The following UBR3 variants were observed in gnomAD, a reference collection of about 807,000 sequenced individuals.
UBR3 encodes the protein E3 ubiquitin-protein ligase UBR3.
Under a neutral mutation model 243.2 loss-of-function variants are expected in UBR3, and 85 were observed. That is an observed-to-expected ratio of 0.35 (90% confidence interval 0.29 to 0.42). UBR3 has a LOEUF of 0.42. Among genes scored for constraint, UBR3 ranks in the 10% least tolerant of loss-of-function variants. The pLI, the probability that UBR3 is intolerant of heterozygous loss-of-function variation, is 1.00. For synonymous variants in UBR3, 748 were observed against 799.8 expected (o/e 0.94, Z 1.09); for missense variants, 1,686 against 2,300.8 (o/e 0.73, Z 5.47).
At position 169,911,202 on chromosome 2, in the gene UBR3, AG is replaced by A. The variant is rs200131235; in HGVS notation, c.1780-2856del. Among the ~76,000 whole-genome samples the A allele has an allele frequency of 4.0e-3, 616 of 152,274 alleles. 5 individuals carry two copies. Among genetic ancestry groups the A allele is most frequent in the African/African-American group, 0.014 (576 of 41,580 alleles). On this transcript the variant is annotated intron_variant, in intron 10 of 38. Transcript: ENST00000272793. ...ACTAATGACATGAAGATTGGATAAGAGGATGACATGTTTCTAGAATTTTACT... is the reference window on the plus strand; with the variant it reads ...ACTAATGACATGAAGATTGGATAAGAGATGACATGTTTCTAGAATTTTACT...
At chr2:170,039,259 C>T (rs902628065) in intron 31 of UBR3, among the ~76,000 whole-genome samples, 3 of 152,052 alleles carry the variant, frequency 2.0e-5, no homozygotes, top group African/African-American at 7.2e-5. Context: ...TATCTAAAGT[C>T]AAGTCAAGGG....
chr2:169,948,001 G>T (rs947190216), intron 22 of UBR3: 34 of 931,886 alleles, frequency 3.6e-5, no homozygotes, highest in Non-Finnish European at 4.2e-5. Flanking sequence ...GGGAAAAACC[G>T]CTTTGAAGTA....
At chr2:169,921,945 C>G (rs1194693277) in intron 11 of UBR3, among the ~76,000 whole-genome samples, 2 of 151,802 alleles carry the variant, frequency 1.3e-5, no homozygotes, top group African/African-American at 2.4e-5. Flanking sequence ...GAGCTGAGAT[C>G]GCGCCACCGT....
At chr2:169,882,774 C>A (rs1315285969) in intron 5 of UBR3, among the ~76,000 whole-genome samples, 1 of 151,142 alleles carries the variant, frequency 6.6e-6, no homozygotes, top group Non-Finnish European at 1.5e-5. Context: ...TCATGTGATA[C>A]AACAAAAACG....
intron 1 of UBR3, among the ~76,000 whole-genome samples, chr2:169,845,268 G>A (rs1307611890): frequency 6.6e-6 from 1 of 151,538 alleles, no homozygotes; most frequent in Non-Finnish European, 1.5e-5. Flanking sequence ...ATAAAAACTA[G>A]AAAAATTAGC....
At chr2:169,991,320 G>A (rs1003580281) in intron 25 of UBR3, among the ~76,000 whole-genome samples, 1 of 152,096 alleles carries the variant, frequency 6.6e-6, no homozygotes, top group Non-Finnish European at 1.5e-5. Flanking sequence ...GAGCAACACT[G>A]TAAAACAACC....
intron 33 of UBR3, among the ~76,000 whole-genome samples, chr2:170,058,465 CT>C (rs1281618525): frequency 4.6e-5 from 7 of 150,628 alleles, no homozygotes; most frequent in African/African-American, 1.7e-4. Flanking sequence ...TTTCTTTTTT[CT>C]TTTTCTTTTT....
At chr2:169,871,249 G>C (rs2083427532) in intron 1 of UBR3, among the ~76,000 whole-genome samples, 1 of 151,748 alleles carries the variant, frequency 6.6e-6, no homozygotes. Flanking sequence ...GCCAAGAGTT[G>C]TACATCAGCC....
At chr2:169,978,705 C>A (rs1168043321) in intron 24 of UBR3, among the ~76,000 whole-genome samples, 1 of 151,998 alleles carries the variant, frequency 6.6e-6, no homozygotes, top group Non-Finnish European at 1.5e-5. Flanking sequence ...ATACAGATGT[C>A]ATTTGGGCCC....
rs1491293579 is a variant in UBR3, at chr2:169,852,883, A to AAAAAAAAAAAAAAAAAAAAAAC, written c.546-19353_546-19352insAAAAAAAAAAAAAAAAAAAAAC. On this transcript the variant is annotated intron_variant, in intron 1 of 38. Coordinates refer to ENST00000272793, the MANE Select transcript of UBR3 (RefSeq NM_172070.4). ...AAAAAAAAAAAAAAAAAAAAACAAA[A>AAAAAAAAAAAAAAAAAAAAAAC]CCAAACAAATTGAGTCCTTTAAGAG... Among the ~76,000 whole-genome samples the AAAAAAAAAAAAAAAAAAAAAAC allele has an allele frequency of 3.3e-5, 2 of 59,732 alleles. 1 individual carries two copies. The allele number at this position is 59,732 out of a possible 152,430, so 39.2% of individuals were successfully genotyped here.
chr2:170,002,353 A>G (rs2089743064), intron 27 of UBR3, among the ~76,000 whole-genome samples: 1 of 152,186 alleles, frequency 6.6e-6, no homozygotes, highest in South Asian at 2.1e-4. Flanking sequence ...AATACTGCCT[A>G]TTAATTCATT....
rs572906596 is a variant in UBR3, at chr2:169,828,191, G to A, written c.545+139G>A. On this transcript the variant is annotated intron_variant, in intron 1 of 38. Transcript: ENST00000272793. ...AGGGTGCAGCCACAGGGGGATGGAG[G>A]TGACTGAGCTGTCAGCGGTGGAAAG... 1.8e-4 allele frequency: 203 copies of A among 1,120,796 alleles called. No individual in the cohort carries two copies. In the African/African-American group the frequency reaches 2.7e-3, roughly 15 times the overall value. The allele number at this position is 1,120,796 out of a possible 1,614,324, so 69.4% of individuals were successfully genotyped here.
intron 31 of UBR3, among the ~76,000 whole-genome samples, chr2:170,032,067 G>C (rs1401967269): frequency 6.6e-6 from 1 of 152,030 alleles, no homozygotes; most frequent in Admixed American, 6.6e-5. Context: ...TCATAGGATA[G>C]TTCTGTTTTA....
chr2:170,005,945 C>T (rs2089898012), intron 27 of UBR3, among the ~76,000 whole-genome samples: 1 of 151,970 alleles, frequency 6.6e-6, no homozygotes, highest in African/African-American at 2.4e-5. Context: ...TGATCTGGGG[C>T]CAGCACCAGA....
chr2:169,854,534 T>C (rs2082769568), intron 1 of UBR3, among the ~76,000 whole-genome samples: 1 of 152,148 alleles, frequency 6.6e-6, no homozygotes, highest in Admixed American at 6.6e-5. Flanking sequence ...TGAGTAGGAA[T>C]TTTAACTTAG....
chr2:170,055,936 C>T (rs1319566294), intron 33 of UBR3, among the ~76,000 whole-genome samples: 1 of 151,910 alleles, frequency 6.6e-6, no homozygotes, highest in Non-Finnish European at 1.5e-5. Flanking sequence ...TGTCCCTATC[C>T]CCAATCACAA....
At chr2:169,984,441 A>G (rs1211451865) in intron 24 of UBR3, among the ~76,000 whole-genome samples, 1 of 152,158 alleles carries the variant, frequency 6.6e-6, no homozygotes, top group Non-Finnish European at 1.5e-5. Flanking sequence ...AAGAGTAACC[A>G]GTATCATTAC....
At chr2:169,847,754 TCCATCAGTTTGGCTGATGGGAA>T (rs1373481709) in intron 1 of UBR3, among the ~76,000 whole-genome samples, 1 of 152,230 alleles carries the variant, frequency 6.6e-6, no homozygotes, top group East Asian at 1.9e-4. Flanking sequence ...TTACAAGTTT[TCCATCAGTTTGGCTGATGGGAA>T]CAGACACCAT....
intron 1 of UBR3, among the ~76,000 whole-genome samples, chr2:169,865,859 G>A (rs2083239675): frequency 6.6e-6 from 1 of 152,034 alleles, no homozygotes; most frequent in Admixed American, 6.5e-5. Context: ...ATCTTTAAAA[G>A]CTTTTACAGG....
Sources: allele counts gnomAD v4.1 joint callset (sites outside exome capture counted in the v4.1 genomes callset), GRCh38; gene constraint gnomAD v4.1.1; transcripts MANE v1.5; gene names NCBI Gene and HGNC (gene_info 2026-07-23, HGNC 2026-07-21).